ZNF608: variants seen among roughly 807,000 people sequenced by gnomAD.
ZNF608 encodes renal carcinoma antigen NY-REN-36.
A neutral mutation model predicts 109.0 loss-of-function variants in ZNF608; 12 were observed. The ratio of observed to expected loss-of-function variants is 0.11; its 90% CI spans 0.07 to 0.18. ZNF608 has a LOEUF of 0.18. ZNF608 is among the 10% of genes least tolerant of loss of function. The pLI, the probability that ZNF608 is intolerant of heterozygous loss-of-function variation, is 1.00. For synonymous variants in ZNF608, 732 were observed against 717.4 expected (o/e 1.02, Z -0.33); for missense variants, 1,707 against 1,879.3 (o/e 0.91, Z 1.70).
At chr5:124,677,786 T>C (rs1346805741) in intron 3 of ZNF608, among the ~76,000 whole-genome samples, 2 of 152,130 alleles carry the variant, frequency 1.3e-5, no homozygotes, top group African/African-American at 4.8e-5. Context: ...AGCAAAGCCT[T>C]CCAGCAGTTG....
Position 124,745,127 on chromosome 5 carries a change from G to A in ZNF608, c.-138C>T. 1 of 1,442,896 alleles carries A rather than the reference G, an allele frequency of 6.9e-7. No individual in the cohort carries two copies. The allele number at this position is 1,442,896 out of a possible 1,614,324, so 89.4% of individuals were successfully genotyped here. ...CTTCCTCTTCTTTTTCCTGCCCCAC[G>A]AATGTGTCCAGGGATTTTACACCCT... On this transcript the variant is annotated 5_prime_UTR_variant, in exon 2 of 10. Transcript: ENST00000513986.
intron 2 of ZNF608, among the ~76,000 whole-genome samples, chr5:124,729,055 G>T (rs1236238056): frequency 6.6e-6 from 1 of 152,174 alleles, no homozygotes; most frequent in Non-Finnish European, 1.5e-5. Context: ...TGCCCTTTAA[G>T]CGCTCATCTG....
intron 2 of ZNF608, among the ~76,000 whole-genome samples, chr5:124,713,352 C>T (rs776095095): frequency 2.6e-5 from 4 of 152,212 alleles, no homozygotes; most frequent in Non-Finnish European, 5.9e-5. Context: ...TGATGGCCCA[C>T]GGTCCAAATC....
intron 2 of ZNF608, among the ~76,000 whole-genome samples, chr5:124,711,134 AG>A (rs1753471581): frequency 6.6e-6 from 1 of 152,222 alleles, no homozygotes; most frequent in South Asian, 2.1e-4. Context: ...CTTCTCACAG[AG>A]GCCTACACAA....
In ZNF608 at chr5:124,648,480, C is replaced by G. The variant is rs2149790272; in HGVS notation, c.1904G>C (p.Gly635Ala). Residue 635 changes from glycine to alanine, a missense_variant, in exon 5 of 10, where the codon GGG becomes GCG. This residue lies in a region of ZNF608 where 1,073 missense variants were observed against 1,133.5 expected (regional missense o/e 0.95). Transcript: ENST00000513986. ...CAGCTCTCTCTTTCCCTTTGGGGTC[C>G]CAGGTGGGTTTCCAGCACCAGGGGA... The part of the protein sequence containing the change: ...PASPGAGNPP[G>A]TPKGKRELMS... The G allele has an allele frequency of 3.1e-6, 5 of 1,614,140 alleles. No homozygotes were observed. In the South Asian group the frequency reaches 4.4e-5, roughly 14 times the overall value.
intron 2 of ZNF608, among the ~76,000 whole-genome samples, chr5:124,704,337 C>T (rs1226039700): frequency 6.6e-6 from 1 of 152,084 alleles, no homozygotes; most frequent in Non-Finnish European, 1.5e-5. Flanking sequence ...AACTGCCACT[C>T]CCATAGGTAC....
At chr5:124,707,966 C>G (rs1007321473) in intron 2 of ZNF608, 1 of 152,224 alleles carries the variant, frequency 6.6e-6, no homozygotes, top group Non-Finnish European at 1.5e-5. Context: ...CGCTTTGCAG[C>G]TTGCTGAGAA....
At chr5:124,683,943 G>C (rs1482324616) in intron 3 of ZNF608, among the ~76,000 whole-genome samples, 1 of 152,152 alleles carries the variant, frequency 6.6e-6, no homozygotes, top group Non-Finnish European at 1.5e-5. Context: ...TGTCTTTAAT[G>C]GGTTCATTCT....
chr5:124,648,814 G>C lies in ZNF608; in HGVS notation c.1570C>G (p.Arg524Gly), dbSNP rs771416896. 1 of 1,614,082 alleles carries C rather than the reference G, an allele frequency of 6.2e-7. No homozygotes were observed. Among genetic ancestry groups the C allele is most frequent in the Non-Finnish European group, 8.5e-7 (1 of 1,180,040 alleles). The change falls in exon 5 of 10, where the codon CGC becomes GGC. Residue 524 changes from arginine (R) to glycine (G), a missense_variant. By Grantham distance (125) the Arg-to-Gly change is moderately radical (BLOSUM62 -2). This residue lies in a region of ZNF608 where 166 missense variants were observed against 204.2 expected (regional missense o/e 0.81). Transcript: ENST00000513986. ...GTGGGAGTGCTTCTGGAATTTGTGCGGACACGCTTTCCAGGCTTATTGTCC... is the reference window on the plus strand; with the variant it reads ...GTGGGAGTGCTTCTGGAATTTGTGCCGACACGCTTTCCAGGCTTATTGTCC... ...SEDNKPGKRV[R>G]TNSRSTPTTP...
At chr5:124,707,192 C>A (rs1295264609) in intron 2 of ZNF608, among the ~76,000 whole-genome samples, 1 of 152,192 alleles carries the variant, frequency 6.6e-6, no homozygotes, top group Non-Finnish European at 1.5e-5. Context: ...AACCGACAGC[C>A]AGTGAGGATA....
At chr5:124,665,668 C>CT (rs1751448082) in intron 3 of ZNF608, among the ~76,000 whole-genome samples, 1 of 152,122 alleles carries the variant, frequency 6.6e-6, no homozygotes, top group Non-Finnish European at 1.5e-5. Flanking sequence ...AGGAATCTTC[C>CT]TGAGATTTCA....
rs1750604342 is a variant in ZNF608 at position 124,647,909 on chromosome 5, T to C, written c.2475A>G (p.Lys825=). ...EKRKLKDKEG[K]ETGSPKMDAK... ...CATCCATTTTTGGGCTTCCCGTCTCTTTCCCTTCTTTGTCCTTTAGCTTTC... is the reference window on the plus strand; with the variant it reads ...CATCCATTTTTGGGCTTCCCGTCTCCTTCCCTTCTTTGTCCTTTAGCTTTC... Residue 825 remains lysine (K), a synonymous_variant, in exon 5 of 10, where the codon AAA becomes AAG. Transcript: ENST00000513986. 1 of 1,614,146 alleles carries C rather than the reference T, an allele frequency of 6.2e-7. No individual in the cohort carries two copies. The highest frequency in any genetic ancestry group is 1.1e-5 in the South Asian group (1 of 91,090).
rs1170221920 is a variant in ZNF608 at position 124,670,299 on chromosome 5, GA to G, written c.1163-20603del. On this transcript the variant is annotated intron_variant, in intron 3 of 9. Transcript: ENST00000513986. ...AAATGATGTGCTAAATAAAGCACTG[GA>G]AATTTTCACAAGTGCAGCTATCCTT... 2.0e-5 allele frequency among the ~76,000 whole-genome samples: 3 copies of G among 151,000 alleles called. No individual in the cohort carries two copies. In the East Asian group the frequency reaches 5.8e-4, roughly 29 times the overall value.
chr5:124,694,518 AC>A (rs1752762334), intron 3 of ZNF608, among the ~76,000 whole-genome samples: 1 of 151,962 alleles, frequency 6.6e-6, no homozygotes, highest in Middle Eastern at 3.2e-3. Flanking sequence ...GTCCACTGCT[AC>A]CCTGTGCTGC....
intron 3 of ZNF608, among the ~76,000 whole-genome samples, chr5:124,668,213 TATATTA>T (rs1252723080): frequency 6.4e-4 from 91 of 141,580 alleles, no homozygotes; most frequent in South Asian, 3.5e-3. Flanking sequence ...TATATATATA[TATATTA>T]TATATATATA....
intron 2 of ZNF608, among the ~76,000 whole-genome samples, 178 bp downstream of exon 2, chr5:124,743,906 A>G (rs943976317): frequency 2.0e-5 from 3 of 152,166 alleles, no homozygotes; most frequent in Non-Finnish European, 4.4e-5. Flanking sequence ...CAAGAGCCAA[A>G]CACTGCACCC....
At chr5:124,651,453 A>C (rs1750769280) in intron 3 of ZNF608, among the ~76,000 whole-genome samples, 2 of 152,218 alleles carry the variant, frequency 1.3e-5, no homozygotes, top group Non-Finnish European at 2.9e-5. Flanking sequence ...CTATATTTAC[A>C]GTGCAGGAAT....
At chr5:124,642,927 C>T (rs1341156866) in intron 7 of ZNF608, among the ~76,000 whole-genome samples, 2 of 151,986 alleles carry the variant, frequency 1.3e-5, no homozygotes, top group East Asian at 3.9e-4. Flanking sequence ...GAATTCCTGA[C>T]CTCAGGTGAT....
chr5:124,726,468 A>T (rs1291632155), intron 2 of ZNF608, among the ~76,000 whole-genome samples: 1 of 151,890 alleles, frequency 6.6e-6, no homozygotes, highest in African/African-American at 2.4e-5. Context: ...TCACAACTCC[A>T]CATATATCCA....
Sources: allele counts gnomAD v4.1 joint callset (sites outside exome capture counted in the v4.1 genomes callset), GRCh38; gene constraint gnomAD v4.1.1; regional missense constraint gnomAD v4.1.1; transcripts MANE v1.5; gene names NCBI Gene and HGNC (gene_info 2026-07-23, HGNC 2026-07-21).